Variants in EHD4 observed in about 807,000 individuals in gnomAD.
EHD4 encodes the protein EH domain containing 4.
Under a neutral mutation model 51.0 loss-of-function variants are expected in EHD4, and 37 were observed. That is an observed-to-expected ratio of 0.73 (90% confidence interval 0.56 to 0.95). The LOEUF is 0.95. Among genes scored for constraint, EHD4 ranks in the 40% least tolerant of loss-of-function variants. The pLI is 0.00. For synonymous variants in EHD4, 297 were observed against 317.3 expected, an observed-to-expected ratio of 0.94 and a Z score of 0.68; for missense variants, 632 against 733.1, an observed-to-expected ratio of 0.86 and a Z score of 1.59.
At chr15:41,942,356 T>C (rs2067778657) in intron 3 of EHD4, 2 of 152,070 alleles carry the variant, frequency 1.3e-5, no homozygotes, top group African/African-American at 4.8e-5. Flanking sequence ...TCAGCTCTCG[T>C]GCCTCAGCCT....
At position 41,919,339 on chromosome 15, in the gene EHD4, C is replaced by T; in HGVS notation, c.795G>A (p.Leu265=). The T allele has an allele frequency of 1.2e-6, 2 of 1,614,206 alleles. No homozygotes were observed. Among genetic ancestry groups the T allele is most frequent in the Admixed American group, 3.3e-5 (2 of 60,026 alleles). The change falls in exon 4 of 6, where the codon CTG becomes CTA. Residue 265 remains leucine (L), a synonymous_variant. Coordinates refer to ENST00000220325, the MANE Select transcript of EHD4 (RefSeq NM_139265.4). The part of the protein sequence containing the change: ...VYIGSFWAQP[L]QNTDNRRLFE... ...AGAGCCGGCGGTTGTCCGTGTTCTG[C>T]AGGGGCTGCGCCCAGAAGGAGCCAA...
intron 3 of EHD4, among the ~76,000 whole-genome samples, chr15:41,925,540 T>G (rs2067655434): frequency 1.3e-5 from 2 of 152,192 alleles, no homozygotes; most frequent in Admixed American, 6.5e-5. Context: ...CATAGAATCA[T>G]CCCACGGTGC....
At chr15:41,950,421 A>G (rs1221578886) in intron 2 of EHD4, among the ~76,000 whole-genome samples, 1 of 152,266 alleles carries the variant, frequency 6.6e-6, no homozygotes, top group East Asian at 1.9e-4. Context: ...TTCTCCGCAG[A>G]AAACAAGCAA....
In EHD4 at chr15:41,909,759, A is replaced by C. The variant is rs1404108120; in HGVS notation, c.1029T>G (p.Ile343Met). Residue 343 changes from isoleucine (I) to methionine (M), a missense_variant, in exon 5 of 6, where the codon ATT becomes ATG. Ile to Met is a conservative substitution (Grantham distance 10). Coordinates refer to ENST00000220325, the MANE Select transcript of EHD4 (RefSeq NM_139265.4). ...AAATCTGGTATTCTCGCTGTAGCTG[A>C]ATGTAGATTTCCGGTAGCCTGCTGA... ...ELISRLPEIYIQLQREYQISA... is the reference protein window; with the variant it reads ...ELISRLPEIYMQLQREYQISA... 1 of 1,614,040 alleles carries C rather than the reference A, an allele frequency of 6.2e-7. No homozygotes were observed. The highest frequency in any genetic ancestry group is 8.5e-7 in the Non-Finnish European group (1 of 1,180,026).
intron 1 of EHD4, among the ~76,000 whole-genome samples, chr15:41,969,544 CA>C (rs61434884): frequency 4.2e-4 from 61 of 146,826 alleles, no homozygotes; most frequent in East Asian, 5.9e-4. Context: ...GAAACTGTCT[CA>C]AAAAAAAAAA....
At position 41,898,479 on chromosome 15, in the gene EHD4, T is replaced by C. The variant is rs529042710; in HGVS notation, c.*2166A>G. 5 of 152,240 alleles carry C rather than the reference T, an allele frequency of 3.3e-5. No homozygotes were observed. Among genetic ancestry groups the C allele is most frequent in the African/African-American group, 9.6e-5 (4 of 41,462 alleles). The allele number at this position is 152,240 out of a possible 1,614,324, so 9.4% of individuals were successfully genotyped here. On this transcript the variant is annotated 3_prime_UTR_variant, in exon 6 of 6. Transcript: ENST00000220325. ...AGTTTGCCTGGGCATCTGTAAACCT[T>C]TGGGCAAGTGAATTCCCTCTTCTCT...
rs1229291428 is a variant in EHD4, at chr15:41,965,933, C to T, written c.236+6326G>A. Among the ~76,000 whole-genome samples the T allele has an allele frequency of 7.4e-5, 10 of 135,750 alleles. No homozygotes were observed. The East Asian group carries it at 2.1e-3, about 29-fold the overall frequency. 89.1% of individuals were successfully genotyped at this position (135,750 alleles called of 152,430 possible). ...TGCCAGCGCTCCCCTGCCCACCCCC[C>T]GCCCCACCTACTCACCTCCTGCCTA... On this transcript the variant is annotated intron_variant, in intron 1 of 5. Transcript: ENST00000220325.
rs577485900 is a variant in EHD4, at chr15:41,958,283, G to A, written c.237-4343C>T. ...CAGCAATGATTGCTCCAAGGTTCTC[G>A]AGCCAAGCCAGCCACATAAAAAGGT... On this transcript the variant is annotated intron_variant, in intron 1 of 5. Transcript: ENST00000220325. 2.0e-5 allele frequency among the ~76,000 whole-genome samples: 3 copies of A among 151,994 alleles called. No individual in the cohort carries two copies. In the East Asian group the frequency reaches 5.8e-4, roughly 30 times the overall value.
At chr15:41,909,645 T>C (rs1270533469) in intron 5 of EHD4, 54 bp downstream of exon 5, 4 of 1,599,986 alleles carry the variant, frequency 2.5e-6, no homozygotes, top group East Asian at 4.5e-5. Context: ...AGCCAGACAA[T>C]GTGGCACTGC....
intron 5 of EHD4, among the ~76,000 whole-genome samples, chr15:41,907,405 AG>A (rs1373579415): frequency 6.6e-6 from 1 of 152,226 alleles, no homozygotes. Context: ...CTGCTCCTGG[AG>A]GCCACAACAG....
chr15:41,959,467 G>T (rs990868329), intron 1 of EHD4, among the ~76,000 whole-genome samples: 2 of 149,778 alleles, frequency 1.3e-5, no homozygotes, highest in East Asian at 3.9e-4. Flanking sequence ...AAATATGTTC[G>T]TGCATACCTT....
chr15:41,936,118 G>A (rs1487051842), intron 3 of EHD4, among the ~76,000 whole-genome samples: 1 of 152,334 alleles, frequency 6.6e-6, no homozygotes, highest in East Asian at 1.9e-4. Flanking sequence ...GGCTTCTTAT[G>A]ACCTAGCCTT....
intron 4 of EHD4, among the ~76,000 whole-genome samples, chr15:41,910,960 G>A (rs1215870869): frequency 2.0e-5 from 3 of 152,160 alleles, no homozygotes; most frequent in African/African-American, 4.8e-5. Flanking sequence ...ATTACAAAAA[G>A]AAAATGACTA....
chr15:41,902,400 C>T (rs1033334768), intron 5 of EHD4, among the ~76,000 whole-genome samples: 1 of 152,094 alleles, frequency 6.6e-6, no homozygotes, highest in African/African-American at 2.4e-5. Flanking sequence ...CCTACCCGAC[C>T]AACTTTTATT....
rs946221287 is a variant in EHD4, at chr15:41,937,110, T to C, written c.511+5957A>G. Among the ~76,000 whole-genome samples, 4 of 152,228 alleles carry C rather than the reference T, an allele frequency of 2.6e-5. No homozygotes were observed. The East Asian group carries it at 5.8e-4, about 22-fold the overall frequency. ...AAAATGGCTTCATGATCCACGCCTG[T>C]GGCTGCATGTTCTATTCTACAGAAT... On this transcript the variant is annotated intron_variant, in intron 3 of 5. Transcript: ENST00000220325.
At chr15:41,970,525 T>A (rs1383670923) in intron 1 of EHD4, among the ~76,000 whole-genome samples, 1 of 152,176 alleles carries the variant, frequency 6.6e-6, no homozygotes, top group African/African-American at 2.4e-5. Flanking sequence ...GAGAGAGAAA[T>A]CTGGAAAAAT....
intron 3 of EHD4, among the ~76,000 whole-genome samples, chr15:41,925,182 A>G (rs1178276485): frequency 6.6e-6 from 1 of 152,228 alleles, no homozygotes; most frequent in African/African-American, 2.4e-5. Context: ...GTTTAAAGAT[A>G]CACATCTCCA....
At chr15:41,918,282 G>C (rs922852776) in intron 4 of EHD4, among the ~76,000 whole-genome samples, 1 of 151,810 alleles carries the variant, frequency 6.6e-6, no homozygotes, top group Non-Finnish European at 1.5e-5. Flanking sequence ...ACAAGGCCAT[G>C]TGTGCACGCA....
intron 5 of EHD4, among the ~76,000 whole-genome samples, chr15:41,902,512 G>A (rs2067483903): frequency 2.0e-5 from 3 of 152,028 alleles, no homozygotes; most frequent in Admixed American, 6.6e-5. Flanking sequence ...TTGTAATGGA[G>A]GAAGGATACT....
Sources: gnomAD v4.1 joint callset for allele counts (sites outside exome capture counted in the v4.1 genomes callset) on GRCh38, gnomAD v4.1.1 for gene constraint, MANE v1.5 for transcripts, NCBI Gene and HGNC (gene_info 2026-07-23, HGNC 2026-07-21) for gene names.